Variants in XKRX observed in about 807,000 individuals in gnomAD.
XKRX encodes the protein XK-related protein 2.
XKRX carries 11 observed loss-of-function variants against 22.4 expected under a neutral mutation model. The observed-to-expected ratio is 0.49, with a 90% CI of 0.31 to 0.81. The LOEUF is 0.81. Ranked by LOEUF, XKRX falls within the 40% of genes least tolerant of loss-of-function variation. The pLI, the probability that XKRX is intolerant of heterozygous loss-of-function variation, is 0.05. For synonymous variants in XKRX, 114 were observed against 132.2 expected (o/e 0.86, Z 0.94); for missense variants, 320 against 336.5 (o/e 0.95, Z 0.38).
At chrX:100,944,375 T>C in the XKRX span, among the ~76,000 whole-genome samples, 1 of 111,790 alleles carries the variant, frequency 8.9e-6, no homozygotes. Context: ...TTTGTTTTGT[T>C]TTTTGAGACT....
chrX:100,895,859 G>C, the XKRX span, among the ~76,000 whole-genome samples: 14 of 111,963 alleles, frequency 1.3e-4, no homozygotes, highest in Admixed American at 1.2e-3. Context: ...CAGGCTGTCA[G>C]GGCTGTTTAA....
the XKRX span, among the ~76,000 whole-genome samples, chrX:100,894,531 C>T: frequency 9.0e-6 from 1 of 111,179 alleles, no homozygotes; most frequent in African/African-American, 3.3e-5. Context: ...CCTCCACTCC[C>T]GGGGCTCAAG....
At position 100,914,239 on chromosome X, in the gene XKRX, T is replaced by C. The variant is rs1433694386; in HGVS notation, c.*99A>G. 1.0e-5 allele frequency: 10 copies of C among 968,073 alleles called. No individual in the cohort carries two copies. In the African/African-American group the frequency reaches 1.2e-4, roughly 11 times the overall value. 79.8% of individuals were successfully genotyped at this position (968,073 alleles called of 1,213,427 possible). A position where few individuals can be genotyped will look rare whatever the true frequency, so the allele number is the denominator to read the frequency against. The stretch of plus-strand genomic sequence containing the variant: ...GCTTAACAGAAAAGTCAAGAAAATG[T>C]ACTGATGGGTATCTCACCCATGAAC... On this transcript the variant is annotated 3_prime_UTR_variant, in exon 3 of 3. Coordinates refer to ENST00000372956, the MANE Select transcript of XKRX (RefSeq NM_212559.3).
chrX:100,952,175 C>A, the XKRX span, among the ~76,000 whole-genome samples: 1 of 110,818 alleles, frequency 9.0e-6, no homozygotes, highest in Non-Finnish European at 1.9e-5. Flanking sequence ...ATGTAATCCA[C>A]ATATCAACAG....
intron 1 of XKRX, among the ~76,000 whole-genome samples, chrX:100,925,575 C>A (rs901648669): frequency 3.6e-5 from 4 of 111,625 alleles, no homozygotes; most frequent in Non-Finnish European, 7.5e-5. Context: ...CAAAGGAAGT[C>A]AAAAAGAGGG....
chrX:100,896,598 TA>T, the XKRX span, among the ~76,000 whole-genome samples: 1 of 112,063 alleles, frequency 8.9e-6, no homozygotes, highest in Non-Finnish European at 1.9e-5. Flanking sequence ...CAGGATGAAG[TA>T]ATAGGAACGG....
the XKRX span, among the ~76,000 whole-genome samples, chrX:100,941,727 T>C: frequency 9.0e-6 from 1 of 111,634 alleles, no homozygotes; most frequent in East Asian, 2.8e-4. Flanking sequence ...GCTACCTTCT[T>C]ACATATTCTC....
chrX:100,894,396 T>C, the XKRX span, among the ~76,000 whole-genome samples: 1 of 112,186 alleles, frequency 8.9e-6, no homozygotes, highest in Non-Finnish European at 1.9e-5. Context: ...CAATCATACC[T>C]TAATAAACCT....
the XKRX span, chrX:100,956,531 G>C: frequency 2.6e-6 from 1 of 380,152 alleles, no homozygotes; most frequent in South Asian, 3.4e-5. Flanking sequence ...TGTCATTAGA[G>C]AACAGATTAT....
At chrX:100,919,799 A>G (rs2085463008) in intron 2 of XKRX, among the ~76,000 whole-genome samples, 2 of 112,078 alleles carry the variant, frequency 1.8e-5, no homozygotes, top group African/African-American at 3.2e-5. Context: ...TGTTGGTGAG[A>G]GTATAAATTC....
At chrX:100,897,607 G>A in the XKRX span, among the ~76,000 whole-genome samples, 51 of 87,674 alleles carry the variant, frequency 5.8e-4, 1 homozygote, top group South Asian at 6.2e-4. Context: ...GTGTGTGTGT[G>A]TGTGTGTGTG....
the XKRX span, chrX:100,957,374 A>G: frequency 8.3e-6 from 10 of 1,204,171 alleles, no homozygotes; most frequent in African/African-American, 1.6e-4. Context: ...GGCCTGAAAA[A>G]CGCTGTGCTG....
At chrX:100,922,448 A>G (rs1230053260) in intron 2 of XKRX, among the ~76,000 whole-genome samples, 1 of 111,816 alleles carries the variant, frequency 8.9e-6, no homozygotes, top group Non-Finnish European at 1.9e-5. Flanking sequence ...GAGAAGGTTT[A>G]TCTGTGACAT....
chrX:100,910,932 A>G (rs375432157), downstream of XKRX: 4 of 568,500 alleles, frequency 7.0e-6, no homozygotes, highest in East Asian at 6.6e-5. Flanking sequence ...AACACCAAAC[A>G]CAAGAATAAT....
At chrX:100,889,001 G>A in the XKRX span, among the ~76,000 whole-genome samples, 1 of 110,698 alleles carries the variant, frequency 9.0e-6, no homozygotes, top group Admixed American at 9.7e-5. Flanking sequence ...CACTATGGGA[G>A]GTTGAGGTGG....
rs1036422039 is a variant in XKRX, at chrX:100,928,404, G to A, written c.-100C>T. The A allele has an allele frequency of 7.9e-6, 9 of 1,143,553 alleles. No individual in the cohort carries two copies. In the African/African-American group the frequency reaches 1.3e-4, roughly 16 times the overall value. 94.2% of individuals were successfully genotyped at this position (1,143,553 alleles called of 1,213,427 possible). ...GCCGCTACAGTCCAAGTATAGGTGAGGAGAGCTCTGTCAAGTCCAGTTTGG... is the reference window on the plus strand; with the variant it reads ...GCCGCTACAGTCCAAGTATAGGTGAAGAGAGCTCTGTCAAGTCCAGTTTGG... On this transcript the variant is annotated 5_prime_UTR_variant, in exon 1 of 3. Transcript: ENST00000372956.
At chrX:100,949,263 A>G in the XKRX span, among the ~76,000 whole-genome samples, 1 of 111,595 alleles carries the variant, frequency 9.0e-6, no homozygotes, top group African/African-American at 3.2e-5. Flanking sequence ...AGCAGGGTCC[A>G]GCAGAAAGCT....
At chrX:100,906,831 C>A in the XKRX span, among the ~76,000 whole-genome samples, 1 of 111,729 alleles carries the variant, frequency 9.0e-6, no homozygotes, top group African/African-American at 3.3e-5. Context: ...TCTGAAGCTG[C>A]TTTCTCGCAT....
upstream of XKRX, among the ~76,000 whole-genome samples, chrX:100,932,557 G>A (rs1229952485): frequency 8.9e-6 from 1 of 112,481 alleles, no homozygotes; most frequent in Non-Finnish European, 1.9e-5. Context: ...TAAAAGCCAT[G>A]TGGTCTAAAA....
Sources: allele counts gnomAD v4.1 joint callset (sites outside exome capture counted in the v4.1 genomes callset), GRCh38; gene constraint gnomAD v4.1.1; transcripts MANE v1.5; gene names NCBI Gene and HGNC (gene_info 2026-07-23, HGNC 2026-07-21).